Variants in H2BC4 observed in about 807,000 individuals in gnomAD.
The protein encoded by H2BC4 is H2B clustered histone 4.
In H2BC4, 10 loss-of-function variants were observed where a neutral mutation model predicts 6.2. The observed-to-expected ratio is 1.61, with a 90% confidence interval of 0.99 to 2.73. H2BC4 has a LOEUF of 2.73. Among genes scored for constraint, H2BC4 ranks in the 30% most tolerant of loss-of-function variants. The pLI, the probability that H2BC4 is intolerant of heterozygous loss-of-function variation, is 0.00. For synonymous variants in H2BC4, 146 were observed against 70.7 expected (o/e 2.07, Z -5.35); for missense variants, 176 against 168.7 (o/e 1.04, Z -0.24).
chr6:26,123,176 T>C (rs1409732039), downstream of H2BC4, among the ~76,000 whole-genome samples: 1 of 152,192 alleles, frequency 6.6e-6, no homozygotes, highest in Non-Finnish European at 1.5e-5. Flanking sequence ...CAACCGTTGA[T>C]CCTGGCGACG....
chr6:26,115,598 C>T (rs879573062), intron 1 of H2BC4, among the ~76,000 whole-genome samples: 1 of 152,050 alleles, frequency 6.6e-6, no homozygotes, highest in Non-Finnish European at 1.5e-5. Context: ...AAGGCCAGGC[C>T]GTGGGGACTG....
intron 1 of H2BC4, among the ~76,000 whole-genome samples, chr6:26,117,795 A>C (rs1330050868): frequency 6.6e-6 from 1 of 152,238 alleles, no homozygotes; most frequent in Admixed American, 6.5e-5. Context: ...GGGAGAAAAA[A>C]ACTACAAACT....
At chr6:26,121,365 C>G (rs182872426), downstream of H2BC4, among the ~76,000 whole-genome samples, 25 of 152,222 alleles carry the variant, frequency 1.6e-4, no homozygotes, top group Admixed American at 3.9e-4. Flanking sequence ...CAAACGCGGA[C>G]GATAAACTTT....
chr6:26,121,556 A>T (rs1763497060), downstream of H2BC4, among the ~76,000 whole-genome samples: 1 of 152,224 alleles, frequency 6.6e-6, no homozygotes, highest in Admixed American at 6.5e-5. Flanking sequence ...GGGTACTTGT[A>T]CAGAAGAGAG....
downstream of H2BC4, among the ~76,000 whole-genome samples, chr6:26,114,177 A>G (rs1041914971): frequency 3.3e-5 from 5 of 152,186 alleles, no homozygotes; most frequent in Non-Finnish European, 7.3e-5. Flanking sequence ...GCAGTTTAGT[A>G]TCCCTTCAGA....
chr6:26,118,079 G>A (rs1038681543), intron 1 of H2BC4, among the ~76,000 whole-genome samples: 13 of 151,924 alleles, frequency 8.6e-5, no homozygotes, highest in African/African-American at 2.7e-4. Flanking sequence ...CTCCATTTTT[G>A]GTAAAAATAT....
downstream of H2BC4, among the ~76,000 whole-genome samples, chr6:26,120,527 G>T (rs974815531): frequency 3.3e-5 from 5 of 151,942 alleles, no homozygotes; most frequent in African/African-American, 1.2e-4. Flanking sequence ...ATTTAAAGTG[G>T]GTAAAAACAG....
intron 1 of H2BC4, among the ~76,000 whole-genome samples, chr6:26,117,391 G>T (rs1024656113): frequency 5.3e-5 from 8 of 152,092 alleles, no homozygotes; most frequent in African/African-American, 1.9e-4. Flanking sequence ...CACTGTAAAG[G>T]TATAGAGAAG....
intron 1 of H2BC4, among the ~76,000 whole-genome samples, chr6:26,117,881 T>C (rs1038247199): frequency 6.6e-6 from 1 of 152,248 alleles, no homozygotes; most frequent in Admixed American, 6.5e-5. Context: ...TCTTCTTGTA[T>C]AAACCAAGAA....
chr6:26,123,621 A>T lies in H2BC4; in HGVS notation c.284T>A (p.Ile95Asn), dbSNP rs778150476. ...NKRSTITSRE[I>N]QTAVRLLLPG... The stretch of plus-strand genomic sequence containing the variant: ...AAGCAGCAGGCGCACGGCCGTCTGG[A>T]TCTCCCTGGAGGTGATGGTCGAGCG... Residue 95 changes from isoleucine to asparagine, a missense_variant, in exon 1 of 1, where the codon ATC becomes AAC. Transcript: ENST00000396984. The T allele has an allele frequency of 3.1e-6, 5 of 1,614,232 alleles. No individual in the cohort carries two copies. In the Admixed American group the frequency reaches 8.3e-5, roughly 27 times the overall value.
At chr6:26,122,896 A>T (rs962348492), downstream of H2BC4, among the ~76,000 whole-genome samples, 2 of 152,184 alleles carry the variant, frequency 1.3e-5, no homozygotes, top group African/African-American at 4.8e-5. Flanking sequence ...GTACTGCCTT[A>T]GTGTTGTTAT....
At chr6:26,117,447 C>T (rs1763436938) in intron 1 of H2BC4, among the ~76,000 whole-genome samples, 5 of 152,196 alleles carry the variant, frequency 3.3e-5, no homozygotes. Flanking sequence ...CAGAGTCCCA[C>T]ATCTTATATG....
rs762459022 is a variant in H2BC4, at chr6:26,123,499, G to A, written c.*25C>T. On this transcript the variant is annotated 3_prime_UTR_variant, in exon 1 of 1. Transcript: ENST00000396984. ...CTCTTAAAAGAGCCTTTGGGGTTAG[G>A]TGTTAAGACGCTTACTTGGAATGTT... 2 of 1,614,188 alleles carry A rather than the reference G, an allele frequency of 1.2e-6. No homozygotes were observed. Among genetic ancestry groups the A allele is most frequent in the South Asian group, 1.1e-5 (1 of 91,088 alleles).
In H2BC4 at chr6:26,123,845, G is replaced by C; in HGVS notation, c.60C>G (p.Thr20=). ...APKKGSKKAV[T]KAQKKDGKKR... ...TCTTGCCATCTTTCTTCTGCGCTTT[G>C]GTCACTGCCTTCTTGGAGCCCTTCT... The change falls in exon 1 of 1, where the codon ACC becomes ACG. Residue 20 remains threonine (T), a synonymous_variant. Transcript: ENST00000396984. 1 of 1,614,216 alleles carries C rather than the reference G, an allele frequency of 6.2e-7. No homozygotes were observed. Among genetic ancestry groups the C allele is most frequent in the Non-Finnish European group, 8.5e-7 (1 of 1,180,044 alleles).
chr6:26,116,000 A>C (rs551004311), intron 1 of H2BC4, among the ~76,000 whole-genome samples: 153 of 152,324 alleles, frequency 1.0e-3, no homozygotes, highest in Non-Finnish European at 1.5e-3. Context: ...GGACAAGAAA[A>C]TAAAGGAAGG....
rs764216101 is a variant in H2BC4, at chr6:26,123,824, G to A, written c.81C>T (p.Gly27=). ...CCTTGCGGCTGCGCTTGCGCTTCTT[G>A]CCATCTTTCTTCTGCGCTTTGGTCA... ...KAVTKAQKKD[G]KKRKRSRKES... Residue 27 remains glycine (G), a synonymous_variant, in exon 1 of 1, where the codon GGC becomes GGT. Coordinates refer to ENST00000396984, the MANE Select transcript of H2BC4 (RefSeq NM_003526.3). 2.5e-6 allele frequency: 4 copies of A among 1,614,234 alleles called. No homozygotes were observed. Among genetic ancestry groups the A allele is most frequent in the Admixed American group, 3.3e-5 (2 of 60,034 alleles).
downstream of H2BC4, chr6:26,123,241 G>T (rs946101189): frequency 6.1e-6 from 3 of 490,136 alleles, no homozygotes; most frequent in Non-Finnish European, 1.0e-5. Flanking sequence ...GGTTTCTTCC[G>T]GGAACGCCGA....
chr6:26,119,095 T>G (rs148867156), downstream of H2BC4, among the ~76,000 whole-genome samples: 1,186 of 152,008 alleles, frequency 7.8e-3, 8 homozygotes, highest in Middle Eastern at 0.041. Flanking sequence ...CTATAGTACT[T>G]GATAGAGTCA....
In H2BC4 at chr6:26,123,705, A is replaced by G. The variant is rs1234449283; in HGVS notation, c.200T>C (p.Val67Ala). The G allele has an allele frequency of 1.9e-6, 3 of 1,614,158 alleles. No individual in the cohort carries two copies. The highest frequency in any genetic ancestry group is 2.2e-5 in the East Asian group (1 of 44,894). ...CGCGATGCGCTCAAATATGTCGTTAACGAAAGAATTCATGATGCCCATGGC... is the reference window on the plus strand; with the variant it reads ...CGCGATGCGCTCAAATATGTCGTTAGCGAAAGAATTCATGATGCCCATGGC... ...SKAMGIMNSF[V>A]NDIFERIAGE... is the part of the protein sequence containing the mutation. Residue 67 changes from valine (V) to alanine (A), a missense_variant, in exon 1 of 1, where the codon GTT becomes GCT. Coordinates refer to ENST00000396984, the MANE Select transcript of H2BC4 (RefSeq NM_003526.3).
Sources: allele counts gnomAD v4.1 joint callset (sites outside exome capture counted in the v4.1 genomes callset), GRCh38; gene constraint gnomAD v4.1.1; transcripts MANE v1.5; gene names NCBI Gene and HGNC (gene_info 2026-07-23, HGNC 2026-07-21).